SACS: variants seen among roughly 807,000 people sequenced by gnomAD.
SACS encodes sacsin.
Under a neutral mutation model 348.0 loss-of-function variants are expected in SACS, and 197 were observed. That is an observed-to-expected ratio of 0.57 (90% confidence interval 0.50 to 0.64). The LOEUF is 0.64. Ranked by LOEUF, SACS falls within the 30% of genes least tolerant of loss-of-function variation. The pLI is 0.00. For missense variants in SACS, 4,999 were observed against 5,360.8 expected (o/e 0.93, Z 2.11); for synonymous variants, 1,985 against 1,910.6 (o/e 1.04, Z -1.02).
Position 23,341,595 on chromosome 13 carries a change from T to C in SACS, c.2281A>G (p.Ile761Val). The C allele has an allele frequency of 6.2e-7, 1 of 1,613,988 alleles. No individual in the cohort carries two copies. The highest frequency in any genetic ancestry group is 8.5e-7 in the Non-Finnish European group (1 of 1,179,984). The change falls in exon 10 of 10, where the codon ATT becomes GTT. Residue 761 changes from isoleucine (I) to valine (V), a missense_variant. Transcript: ENST00000382292. ...TCATCAAATGGATACCATTGAACAA[T>C]CAATTCTCTGCCAGGCCAGAATGTA... Reference protein sequence around the residue: ...MNTFWPGRELIVQWYPFDENR... With the variant: ...MNTFWPGRELVVQWYPFDENR...
Position 23,337,572 on chromosome 13 carries a change from A to C in SACS, c.6304T>G (p.Leu2102Val). The change falls in exon 10 of 10, where the codon TTG becomes GTG. Residue 2102 changes from leucine (L) to valine (V), a missense_variant. Physicochemically the swap from Leu to Val is conservative, Grantham distance 32. This residue lies in a region of SACS where 3,156 missense variants were observed against 3,380.1 expected (regional missense o/e 0.93). Coordinates refer to ENST00000382292, the MANE Select transcript of SACS (RefSeq NM_014363.6). ...GGCAAAACCAAAGGATGCCCCTCCA[A>C]GGAACAAGGAATACATGGAGTAACA... is the stretch of plus-strand genomic sequence containing the variant. Reference protein sequence around the residue: ...LRVTPCIPCSLEGHPLVLPSR... With the variant: ...LRVTPCIPCSVEGHPLVLPSR... 6.2e-7 allele frequency: 1 copy of C among 1,613,998 alleles called. No homozygotes were observed. The highest frequency in any genetic ancestry group is 8.5e-7 in the Non-Finnish European group (1 of 1,179,934).
intron 4 of SACS, among the ~76,000 whole-genome samples, chr13:23,369,391 C>A (rs907355837): frequency 6.6e-6 from 1 of 152,162 alleles, no homozygotes; most frequent in Non-Finnish European, 1.5e-5. Flanking sequence ...GCCTCAAATA[C>A]ACAGCATTTC....
intron 9 of SACS, among the ~76,000 whole-genome samples, chr13:23,347,636 G>T (rs1869692091): frequency 6.6e-6 from 1 of 152,124 alleles, no homozygotes; most frequent in Non-Finnish European, 1.5e-5. Flanking sequence ...TCCCAGACCT[G>T]GCCCTACAGT....
intron 2 of SACS, among the ~76,000 whole-genome samples, chr13:23,391,299 G>T (rs1320178833): frequency 6.6e-6 from 1 of 152,222 alleles, no homozygotes; most frequent in Admixed American, 6.5e-5. Flanking sequence ...GAACATCCAA[G>T]CATCTTTCCA....
At chr13:23,369,322 C>T (rs1223250057) in intron 4 of SACS, among the ~76,000 whole-genome samples, 3 of 152,148 alleles carry the variant, frequency 2.0e-5, no homozygotes, top group East Asian at 1.9e-4. Flanking sequence ...GACCAACTGA[C>T]CAGGTCACCT....
intron 2 of SACS, among the ~76,000 whole-genome samples, chr13:23,377,173 T>C (rs1260668810): frequency 6.6e-6 from 1 of 152,198 alleles, no homozygotes; most frequent in African/African-American, 2.4e-5. Context: ...GTGGGGTTTC[T>C]TTGGGGATGG....
chr13:23,339,296 T>C lies in SACS; in HGVS notation c.4580A>G (p.Asn1527Ser). 1.9e-6 allele frequency: 3 copies of C among 1,608,054 alleles called. No individual in the cohort carries two copies. Among genetic ancestry groups the C allele is most frequent in the South Asian group, 2.2e-5 (2 of 89,724 alleles). ...AAAATCTGAATCTGAGAATTGAGAA[T>C]TGTTGAATGACCACAAAGCAGGTCC... ...CHGPALWSFNNSQFSDSDFVN... is the reference protein window; with the variant it reads ...CHGPALWSFNSSQFSDSDFVN... Residue 1527 changes from asparagine (N) to serine (S), a missense_variant, in exon 10 of 10, where the codon AAT becomes AGT. Around this residue, in one of 6 missense-constraint regions of SACS, gnomAD observed 3,156 missense variants for 3,380.1 expected, o/e 0.93. Coordinates refer to ENST00000382292, the MANE Select transcript of SACS (RefSeq NM_014363.6).
intron 2 of SACS, among the ~76,000 whole-genome samples, chr13:23,396,677 C>T (rs1310876731): frequency 2.0e-5 from 3 of 152,118 alleles, no homozygotes; most frequent in African/African-American, 4.8e-5. Context: ...TAGAAATCCA[C>T]ATATTTAAAT....
intron 2 of SACS, among the ~76,000 whole-genome samples, chr13:23,406,780 C>G (rs1003051501): frequency 6.6e-6 from 1 of 152,146 alleles, no homozygotes; most frequent in Non-Finnish European, 1.5e-5. Flanking sequence ...TGTAAATAAT[C>G]AGGCCAAATC....
At chr13:23,375,969 G>A (rs1306926911) in intron 2 of SACS, among the ~76,000 whole-genome samples, 1 of 152,092 alleles carries the variant, frequency 6.6e-6, no homozygotes, top group Non-Finnish European at 1.5e-5. Flanking sequence ...AGCATCTCCA[G>A]TAAGATCTAT....
intron 4 of SACS, among the ~76,000 whole-genome samples, chr13:23,368,827 T>C (rs1871209221): frequency 1.3e-5 from 2 of 152,012 alleles, no homozygotes; most frequent in Admixed American, 1.3e-4. Context: ...GCCTCCCGAA[T>C]AGCTGGGACT....
At chr13:23,358,187 T>TA (rs1870511808) in intron 7 of SACS, 148 bp downstream of exon 7, 2 of 805,300 alleles carry the variant, frequency 2.5e-6, no homozygotes. Context: ...TATGCACTGA[T>TA]ATTTCATTGA....
chr13:23,370,221 C>CTA lies in SACS; in HGVS notation c.259+856_259+857insTA. Among the ~76,000 whole-genome samples the CTA allele has an allele frequency of 2.0e-5, 3 of 152,340 alleles. No homozygotes were observed. The Middle Eastern group carries it at 0.01, about 518-fold the overall frequency. On this transcript the variant is annotated intron_variant, in intron 4 of 9. Coordinates refer to ENST00000382292, the MANE Select transcript of SACS (RefSeq NM_014363.6). ...TTCCTCTGGCCCTGATGTCCCCTCACTCTATCCCAATGGGATATGATTTCA... is the reference window on the plus strand; with the variant it reads ...TTCCTCTGGCCCTGATGTCCCCTCACTATCTATCCCAATGGGATATGATTTCA...
rs1190965847 is a variant in SACS, at chr13:23,334,692, G to T, written c.9184C>A (p.Leu3062Ile). The stretch of plus-strand genomic sequence containing the variant: ...ACCAAGTTGAAACCAATTTCTAAAA[G>T]GAGATGTTTCAGCCTATAGACATTC... ...AENVYRLKHL[L>I]LEIGFNLVYN... Residue 3062 changes from leucine (L) to isoleucine (I), a missense_variant, in exon 10 of 10, where the codon CTT (leucine) becomes ATT (isoleucine). Physicochemically the swap from Leu to Ile is conservative, Grantham distance 5. This residue lies in a region of SACS where 734 missense variants were observed against 694.0 expected (regional missense o/e 1.06). Coordinates refer to ENST00000382292, the MANE Select transcript of SACS (RefSeq NM_014363.6). The T allele has an allele frequency of 6.2e-7, 1 of 1,613,566 alleles. No homozygotes were observed. Among genetic ancestry groups the T allele is most frequent in the African/African-American group, 1.3e-5 (1 of 74,908 alleles).
In SACS at chr13:23,335,294, T is replaced by C. The variant is rs747874953; in HGVS notation, c.8582A>G (p.Tyr2861Cys). The C allele has an allele frequency of 6.8e-6, 11 of 1,613,844 alleles. No homozygotes were observed. The highest frequency in any genetic ancestry group is 8.5e-6 in the Non-Finnish European group (10 of 1,179,894). Residue 2861 changes from tyrosine (Y) to cysteine (C), a missense_variant, in exon 10 of 10, where the codon TAT (tyrosine) becomes TGT (cysteine). Transcript: ENST00000382292. This position sits in a 1 kb window ranked among gnomAD's most constrained non-coding sequence, Gnocchi z 4.7. ...GGVAACITHN[Y>C]KKPHRAFCFL... ...ACAGAAGGCCCTATGGGGTTTTTTA[T>C]AGTTGTGAGTAATGCAGGCAGCTAC...
rs776682685 is a variant in SACS, at chr13:23,330,136, TCA to T, written c.13738_13739del (p.Ter4580LysfsTer11). 4.3e-5 allele frequency: 69 copies of T among 1,613,194 alleles called. No individual in the cohort carries two copies. The highest frequency in any genetic ancestry group is 5.1e-5 in the Non-Finnish European group (60 of 1,179,382). On this transcript the variant is annotated frameshift_variant and stop_lost, in exon 10 of 10. Coordinates refer to ENST00000382292, the MANE Select transcript of SACS (RefSeq NM_014363.6). LOFTEE classifies it high-confidence loss of function. Reference protein sequence around the residue: ...KLENFMQQKV* With the variant: ...KLENFMQQKVX ...CTACCTTTTTTTTCGTTAAATATCT[TCA>T]CACTTTTTGTTGCATAAAATTTTCA...
At chr13:23,432,547 C>T (rs1874476381) in intron 1 of SACS, among the ~76,000 whole-genome samples, 1 of 152,182 alleles carries the variant, frequency 6.6e-6, no homozygotes, top group Non-Finnish European at 1.5e-5. Context: ...AGTAAAACTA[C>T]TGGGACATCA....
intron 1 of SACS, among the ~76,000 whole-genome samples, chr13:23,414,376 A>G (rs1378146174): frequency 6.6e-6 from 1 of 152,186 alleles, no homozygotes; most frequent in Non-Finnish European, 1.5e-5. Flanking sequence ...ATGATAGATC[A>G]GAACTCAAGG....
chr13:23,376,968 T>G (rs1871834269), intron 2 of SACS, among the ~76,000 whole-genome samples: 1 of 152,112 alleles, frequency 6.6e-6, no homozygotes. Flanking sequence ...ATCATAGAAT[T>G]TGATGGAGTA....
Sources: allele counts gnomAD v4.1 joint callset (sites outside exome capture counted in the v4.1 genomes callset), GRCh38; gene constraint gnomAD v4.1.1; regional missense constraint gnomAD v4.1.1; non-coding constraint Gnocchi (gnomAD v3.1); transcripts MANE v1.5; gene names NCBI Gene and HGNC (gene_info 2026-07-23, HGNC 2026-07-21).